ADGRG1: variants seen among roughly 807,000 people sequenced by gnomAD.
The protein encoded by ADGRG1 is adhesion G protein-coupled receptor G1.
A neutral mutation model predicts 73.5 loss-of-function variants in ADGRG1; 53 were observed. The ratio of observed to expected loss-of-function variants is 0.72; its 90% confidence interval spans 0.58 to 0.91. ADGRG1 has a LOEUF of 0.91. Among genes scored for constraint, ADGRG1 ranks in the 40% least tolerant of loss-of-function variants. ADGRG1 has a pLI of 0.00. For missense variants in ADGRG1, 795 were observed against 871.8 expected, an observed-to-expected ratio of 0.91 and a Z score of 1.11; for synonymous variants, 394 against 374.4, an observed-to-expected ratio of 1.05 and a Z score of -0.60.
In ADGRG1 at chr16:57,656,626, C is replaced by A. The variant is rs2148449679; in HGVS notation, c.1167+9C>A. 3 of 1,547,808 alleles carry A rather than the reference C, an allele frequency of 1.9e-6. No individual in the cohort carries two copies. The highest frequency in any genetic ancestry group is 2.7e-5 in the African/African-American group (2 of 73,762). On this transcript the variant is annotated intron_variant, in intron 9 of 13. Transcript: ENST00000562631. ...ACTTTGCAGTGCTGATGGTGAGGGT[C>A]CCTGCTCCCACCTCGCAGCCACACC...
intron 5 of ADGRG1, chr16:57,655,112 T>G: frequency 1.0e-6 from 1 of 985,200 alleles, no homozygotes; most frequent in Non-Finnish European, 1.2e-6. Flanking sequence ...TTGGCTGCTG[T>G]AGGCAGAGCT....
At chr16:57,627,110 C>T (rs981761351), upstream of ADGRG1, 57 of 960,320 alleles carry the variant, frequency 5.9e-5, no homozygotes, top group Non-Finnish European at 6.7e-5. Flanking sequence ...GGCCTCCCTG[C>T]ACCCCACGGG....
chr16:57,636,933 G>A (rs1416228584), intron 1 of ADGRG1, among the ~76,000 whole-genome samples: 1 of 152,182 alleles, frequency 6.6e-6, no homozygotes, highest in Non-Finnish European at 1.5e-5. Context: ...AATTTTAATT[G>A]GGTGGTCATG....
intron 1 of ADGRG1, chr16:57,639,806 T>G: frequency 1.2e-6 from 1 of 842,220 alleles, no homozygotes; most frequent in Non-Finnish European, 1.4e-6. Context: ...CCCCATCCCT[T>G]CCCCTTTATC....
At chr16:57,634,448 C>T (rs1355379018) in intron 1 of ADGRG1, 19 of 985,324 alleles carry the variant, frequency 1.9e-5, no homozygotes, top group Non-Finnish European at 2.3e-5. Context: ...GCCCAAACTT[C>T]CGCCCCTGGG....
At chr16:57,621,903 G>A (rs1023078020) in intron 2 of ADGRG1, 2 of 982,912 alleles carry the variant, frequency 2.0e-6, no homozygotes, top group South Asian at 4.7e-5. Flanking sequence ...AGGAAGGGAG[G>A]TTTCTACAGA....
At position 57,650,311 on chromosome 16, in the gene ADGRG1, G is replaced by A; in HGVS notation, c.24G>A (p.Gln8=). Residue 8 remains glutamine (Q), a synonymous_variant, in exon 2 of 14, where the codon CAG becomes CAA. Coordinates refer to ENST00000562631, the MANE Select transcript of ADGRG1 (RefSeq NM_201525.4). The part of the protein sequence containing the change: MTPQSLL[Q]TTLFLLSLLF... ...AAATGACTCCCCAGTCGCTGCTGCAGACGACACTGTTCCTGCTGAGTCTGC... is the reference window on the plus strand; with the variant it reads ...AAATGACTCCCCAGTCGCTGCTGCAAACGACACTGTTCCTGCTGAGTCTGC... 1 of 1,613,784 alleles carries A rather than the reference G, an allele frequency of 6.2e-7. No homozygotes were observed. Among genetic ancestry groups the A allele is most frequent in the Admixed American group, 1.7e-5 (1 of 60,032 alleles).
rs775116648 is a variant in ADGRG1, at chr16:57,654,106, G to A, written c.741G>A (p.Gln247=). 6.2e-6 allele frequency: 10 copies of A among 1,613,482 alleles called. No individual in the cohort carries two copies. In the South Asian group the frequency reaches 8.8e-5, roughly 14 times the overall value. ...AGCTCCAGCCCACAGCCGGCCTCCAGGACCTGCACATCCACTCCCGGCAGG... is the reference window on the plus strand; with the variant it reads ...AGCTCCAGCCCACAGCCGGCCTCCAAGACCTGCACATCCACTCCCGGCAGG... The part of the protein sequence containing the change: ...VWKLQPTAGL[Q]DLHIHSRQEE... The change falls in exon 5 of 14, where the codon CAG becomes CAA. Residue 247 remains glutamine (Q), a synonymous_variant. Coordinates refer to ENST00000562631, the MANE Select transcript of ADGRG1 (RefSeq NM_201525.4).
upstream of ADGRG1, among the ~76,000 whole-genome samples, chr16:57,623,531 C>T (rs1191186594): frequency 1.3e-5 from 2 of 152,246 alleles, no homozygotes; most frequent in African/African-American, 4.8e-5. Flanking sequence ...CCAAGGCTTG[C>T]ATCCTAAGGC....
At chr16:57,662,490 C>T (rs1375189541) in intron 13 of ADGRG1, among the ~76,000 whole-genome samples, 2 of 152,174 alleles carry the variant, frequency 1.3e-5, no homozygotes, top group Non-Finnish European at 2.9e-5. Context: ...GAAACGCAGC[C>T]TCTGGGCCAC....
intron 4 of ADGRG1, chr16:57,653,719 T>C (rs1288839526): frequency 3.6e-6 from 3 of 827,624 alleles, no homozygotes; most frequent in Non-Finnish European, 4.4e-6. Context: ...CACCACACCA[T>C]TGCTCTCCTT....
chr16:57,630,977 G>A (rs1207859828), intron 1 of ADGRG1: 3 of 985,900 alleles, frequency 3.0e-6, no homozygotes, highest in South Asian at 4.7e-5. Context: ...CTGTGGGGGG[G>A]AAGAGAGGCA....
At position 57,660,768 on chromosome 16, in the gene ADGRG1, G is replaced by T; in HGVS notation, c.1556G>T (p.Gly519Val). ...GAGCAACATGCATTGCCACCCTCAG[G>T]CTTCCCCATCTTTCTGGTGACGCTG... is the stretch of plus-strand genomic sequence containing the variant. ...YLLKLSAMGWGFPIFLVTLVA... is the reference protein window; with the variant it reads ...YLLKLSAMGWVFPIFLVTLVA... Residue 519 changes from glycine to valine, a missense_variant and splice_region_variant, in exon 12 of 14, where the codon GGC becomes GTC. Gly to Val is a moderately radical substitution (Grantham distance 109, BLOSUM62 -3). Coordinates refer to ENST00000562631, the MANE Select transcript of ADGRG1 (RefSeq NM_201525.4). 6.2e-7 allele frequency: 1 copy of T among 1,603,412 alleles called. No homozygotes were observed. Among genetic ancestry groups the T allele is most frequent in the Non-Finnish European group, 8.5e-7 (1 of 1,170,876 alleles).
chr16:57,659,684 A>T lies in ADGRG1; in HGVS notation c.1555+3A>T, dbSNP rs1225295917. The T allele has an allele frequency of 1.2e-6, 2 of 1,613,440 alleles. No homozygotes were observed. The highest frequency in any genetic ancestry group is 1.7e-6 in the Non-Finnish European group (2 of 1,179,888). On this transcript the variant is annotated splice_donor_region_variant and intron_variant, in intron 11 of 13. Transcript: ENST00000562631. ...CAAGCTGAGCGCCATGGGCTGGGGTAAGTGGTTGGGCGGGGGGTGCCTCAG... is the reference window on the plus strand; with the variant it reads ...CAAGCTGAGCGCCATGGGCTGGGGTTAGTGGTTGGGCGGGGGGTGCCTCAG...
chr16:57,633,003 C>A (rs985119675), intron 1 of ADGRG1: 1 of 939,854 alleles, frequency 1.1e-6, no homozygotes, highest in Non-Finnish European at 1.3e-6. Flanking sequence ...CAGGCCCTTT[C>A]CCCTCCCGTC....
chr16:57,653,407 C>A (rs1477808295), intron 4 of ADGRG1, 72 bp downstream of exon 4: 11 of 1,589,692 alleles, frequency 6.9e-6, no homozygotes, highest in African/African-American at 6.8e-5. Flanking sequence ...CAGGGTGGGA[C>A]CTGGAGTAGG....
At chr16:57,629,298 C>T (rs568136809) in intron 1 of ADGRG1, 3 of 354,922 alleles carry the variant, frequency 8.5e-6, no homozygotes, top group East Asian at 3.4e-4. Flanking sequence ...CGACACCTCC[C>T]GGGGCTCCCA....
chr16:57,660,355 G>A, intron 11 of ADGRG1: 1 of 984,694 alleles, frequency 1.0e-6, no homozygotes, highest in South Asian at 4.7e-5. Flanking sequence ...GAGGTGGGCA[G>A]CCCCCTCTAG....
intron 5 of ADGRG1, chr16:57,655,171 T>A (rs1040162877): frequency 6.1e-6 from 6 of 985,188 alleles, no homozygotes; most frequent in Non-Finnish European, 4.8e-6. Flanking sequence ...CTCCCAGGGC[T>A]ATTTGCCCTG....
Sources: allele counts gnomAD v4.1 joint callset (sites outside exome capture counted in the v4.1 genomes callset), GRCh38; gene constraint gnomAD v4.1.1; transcripts MANE v1.5; gene names NCBI Gene and HGNC (gene_info 2026-07-23, HGNC 2026-07-21).